DRC9: variants seen among roughly 807,000 people sequenced by gnomAD.
DRC9 encodes dynein regulatory complex subunit 9, also known as dynein regulatory complex protein 9.
chr3:197,932,324 C>T, the DRC9 span: 7 of 1,595,900 alleles, frequency 4.4e-6, no homozygotes, highest in African/African-American at 1.4e-5. Flanking sequence ...AACAGACCAA[C>T]AAAAAATGAG....
the DRC9 span, among the ~76,000 whole-genome samples, chr3:197,910,327 A>G: frequency 6.6e-6 from 1 of 152,014 alleles, no homozygotes; most frequent in Non-Finnish European, 1.5e-5. Flanking sequence ...AAAAATATAT[A>G]CTTATGTATT....
the DRC9 span, among the ~76,000 whole-genome samples, chr3:197,946,218 A>G: frequency 0.073 from 11,042 of 151,748 alleles, 502 homozygotes; most frequent in African/African-American, 0.14. Context: ...GGCGGATCAC[A>G]AGGTCAGGAG....
At chr3:197,893,736 T>TA in the DRC9 span, among the ~76,000 whole-genome samples, 1 of 150,132 alleles carries the variant, frequency 6.7e-6, no homozygotes, top group South Asian at 2.1e-4. Context: ...TAATCCCAGC[T>TA]ACTCGGGAGG....
At chr3:197,908,247 A>T in the DRC9 span, among the ~76,000 whole-genome samples, 1 of 132,258 alleles carries the variant, frequency 7.6e-6, no homozygotes, top group Admixed American at 7.7e-5. Flanking sequence ...AGGTCTGAAG[A>T]GTGACCCCTT....
the DRC9 span, among the ~76,000 whole-genome samples, chr3:197,924,175 G>T: frequency 6.6e-6 from 1 of 151,668 alleles, no homozygotes; most frequent in Non-Finnish European, 1.5e-5. Flanking sequence ...GGTCAACATG[G>T]TGAAACCCCG....
At chr3:197,896,025 C>A in the DRC9 span, among the ~76,000 whole-genome samples, 5 of 120,966 alleles carry the variant, frequency 4.1e-5, no homozygotes, top group Admixed American at 9.0e-5. Context: ...GATGCATTGT[C>A]AGAAAAAAAA....
chr3:197,923,515 A>C, the DRC9 span, among the ~76,000 whole-genome samples: 1 of 152,144 alleles, frequency 6.6e-6, no homozygotes, highest in Non-Finnish European at 1.5e-5. Context: ...AGATCACTTG[A>C]GCTCAGGAGT....
chr3:197,950,893 T>C, the DRC9 span: 1 of 1,604,384 alleles, frequency 6.2e-7, no homozygotes, highest in Non-Finnish European at 8.5e-7. Flanking sequence ...GGTGGGAAAC[T>C]TGTGTGGCTT....
At chr3:197,913,333 C>CGTGCGTGCGTGCGAGT in the DRC9 span, 1 of 205,994 alleles carries the variant, frequency 4.9e-6, no homozygotes, top group Non-Finnish European at 9.4e-6. Context: ...TGTGTGCGTG[C>CGTGCGTGCGTGCGAGT]GTGCGTGCGT....
the DRC9 span, among the ~76,000 whole-genome samples, chr3:197,946,339 G>T: frequency 6.7e-6 from 1 of 150,358 alleles, no homozygotes. Context: ...GGAGGCTGAG[G>T]CAGGAGAATG....
the DRC9 span, chr3:197,913,572 C>T: frequency 1.9e-6 from 1 of 516,468 alleles, no homozygotes; most frequent in South Asian, 2.2e-5. Flanking sequence ...CTCGTTTTGC[C>T]CTCTCCCTAT....
chr3:197,953,252 T>C, the DRC9 span, among the ~76,000 whole-genome samples: 10,086 of 152,220 alleles, frequency 0.066, 430 homozygotes, highest in African/African-American at 0.11. Context: ...TGGCTCACAC[T>C]TGTAGCCCCA....
At chr3:197,949,910 A>G in the DRC9 span, 1 of 401,018 alleles carries the variant, frequency 2.5e-6, no homozygotes, top group Non-Finnish European at 4.4e-6. Flanking sequence ...GCGTCCGGGG[A>G]CGCAGGAAGT....
the DRC9 span, among the ~76,000 whole-genome samples, chr3:197,919,688 A>C: frequency 2.6e-5 from 4 of 152,200 alleles, no homozygotes; most frequent in Non-Finnish European, 2.9e-5. Flanking sequence ...CTGCCATAAT[A>C]ACGTGAGCCA....
the DRC9 span, among the ~76,000 whole-genome samples, chr3:197,949,181 C>T: frequency 6.6e-6 from 1 of 152,164 alleles, no homozygotes; most frequent in Admixed American, 6.5e-5. Context: ...GATATAAGCT[C>T]CACGAGGGCA....
the DRC9 span, among the ~76,000 whole-genome samples, chr3:197,925,360 G>T: frequency 9.5e-6 from 1 of 105,238 alleles, no homozygotes; most frequent in East Asian, 3.5e-4. Flanking sequence ...TTGTGAGGTG[G>T]GATATGAGGA....
chr3:197,925,587 G>GTT, the DRC9 span, among the ~76,000 whole-genome samples: 16 of 127,542 alleles, frequency 1.3e-4, no homozygotes, highest in Admixed American at 1.6e-4. Flanking sequence ...TATATCTTCT[G>GTT]TTTTTTTTTT....
chr3:197,894,897 C>G, the DRC9 span, among the ~76,000 whole-genome samples: 1 of 152,114 alleles, frequency 6.6e-6, no homozygotes, highest in African/African-American at 2.4e-5. Context: ...GACCCCATCT[C>G]TACAAAAATG....
At chr3:197,946,192 C>T in the DRC9 span, among the ~76,000 whole-genome samples, 6,948 of 152,082 alleles carry the variant, frequency 0.046, 180 homozygotes, top group South Asian at 0.088. Flanking sequence ...TCCCAGCACT[C>T]TGGGAGGCCG....
Sources: allele counts gnomAD v4.1 joint callset (sites outside exome capture counted in the v4.1 genomes callset), GRCh38; gene constraint gnomAD v4.1.1; transcripts MANE v1.5; gene names NCBI Gene and HGNC (gene_info 2026-07-23, HGNC 2026-07-21).